The following KCNE3 variants were observed in gnomAD, a reference collection of about 807,000 sequenced individuals.
The protein encoded by KCNE3 is potassium voltage-gated channel subfamily E member 3.
Under a neutral mutation model 4.3 loss-of-function variants are expected in KCNE3, and 2 were observed. The ratio of observed to expected loss-of-function variants is 0.47; its 90% CI spans 0.19 to 1.48. The LOEUF is 1.48. Among genes scored for constraint, KCNE3 ranks in the 40% most tolerant of loss-of-function variants. KCNE3 has a pLI of 0.25. For missense variants in KCNE3, 128 were observed against 136.8 expected (o/e 0.94, Z 0.32); for synonymous variants, 47 against 52.0 (o/e 0.90, Z 0.41).
chr11:74,457,078 C>T lies in KCNE3; in HGVS notation c.*174G>A, dbSNP rs1485354621. ...TGGGAAAAAATCCTTATGCACAAGG[C>T]TTCGGTCTACCAGCCCCTCTTCTCC... On this transcript the variant is annotated 3_prime_UTR_variant, in exon 3 of 3. Coordinates refer to ENST00000310128, the MANE Select transcript of KCNE3 (RefSeq NM_005472.5). 2.8e-5 allele frequency: 19 copies of T among 667,624 alleles called. No homozygotes were observed. The highest frequency in any genetic ancestry group is 2.7e-6 in the Non-Finnish European group (1 of 377,158). The allele number at this position is 667,624 out of a possible 1,614,324, so 41.4% of individuals were successfully genotyped here.
chr11:74,465,790 A>G (rs1864046456), intron 1 of KCNE3, among the ~76,000 whole-genome samples: 1 of 152,210 alleles, frequency 6.6e-6, no homozygotes, highest in African/African-American at 2.4e-5. Context: ...TAGAGGAGAC[A>G]AGAGATGGGA....
At chr11:74,459,390 T>G (rs1863896250) in intron 2 of KCNE3, among the ~76,000 whole-genome samples, 1 of 150,930 alleles carries the variant, frequency 6.6e-6, no homozygotes, top group African/African-American at 2.4e-5. Context: ...GCCTCCCCAG[T>G]AGCTGGGACT....
At chr11:74,464,114 A>G (rs1864011989) in intron 1 of KCNE3, 1 of 152,308 alleles carries the variant, frequency 6.6e-6, no homozygotes, top group African/African-American at 2.4e-5. Flanking sequence ...TTTCCCATAC[A>G]TTCACAGGTT....
At chr11:74,465,195 A>T (rs2135020477) in intron 1 of KCNE3, among the ~76,000 whole-genome samples, 1 of 152,198 alleles carries the variant, frequency 6.6e-6, no homozygotes, top group South Asian at 2.1e-4. Context: ...CCTGTGCCTC[A>T]TACATTTCTT....
chr11:74,454,999 G>A lies in KCNE3; in HGVS notation c.*2253C>T, dbSNP rs966659193. The stretch of plus-strand genomic sequence containing the variant: ...GATGAGGAAGGGCTTGAGCAACAGG[G>A]CTCAGCACAGGTTTGCAGAGCATCA... On this transcript the variant is annotated 3_prime_UTR_variant, in exon 3 of 3. Coordinates refer to ENST00000310128, the MANE Select transcript of KCNE3 (RefSeq NM_005472.5). 1.3e-5 allele frequency: 2 copies of A among 152,316 alleles called. No homozygotes were observed. Among genetic ancestry groups the A allele is most frequent in the African/African-American group, 2.4e-5 (1 of 41,562 alleles). The allele number at this position is 152,316 out of a possible 1,614,324, so 9.4% of individuals were successfully genotyped here.
At chr11:74,462,252 CCTG>C (rs1230530235) in intron 1 of KCNE3, 149 bp from the exon 2 acceptor site, 1 of 152,774 alleles carries the variant, frequency 6.5e-6, no homozygotes, top group Non-Finnish European at 1.5e-5. Context: ...CCCTCCCCTT[CCTG>C]CAGCAGCTGG....
At position 74,455,380 on chromosome 11, in the gene KCNE3, T is replaced by C. The variant is rs916015069; in HGVS notation, c.*1872A>G. ...CTGAGATCTGGGATAGTTTCTGAAT[T>C]CAGAAGTGTTCACCAGCCACATTGC... On this transcript the variant is annotated 3_prime_UTR_variant, in exon 3 of 3. Transcript: ENST00000310128. 2.0e-5 allele frequency: 3 copies of C among 152,210 alleles called. No homozygotes were observed. Among genetic ancestry groups the C allele is most frequent in the African/African-American group, 7.2e-5 (3 of 41,450 alleles). The allele number at this position is 152,210 out of a possible 1,614,324, so 9.4% of individuals were successfully genotyped here. A position where few individuals can be genotyped will look rare whatever the true frequency, so the allele number is the denominator to read the frequency against.
chr11:74,460,238 G>A (rs1004858131), intron 2 of KCNE3, among the ~76,000 whole-genome samples: 12 of 152,188 alleles, frequency 7.9e-5, no homozygotes, highest in Admixed American at 1.3e-4. Context: ...GGAGATACAC[G>A]TTCTCATCTA....
chr11:74,460,751 T>C (rs183379640), intron 2 of KCNE3, among the ~76,000 whole-genome samples: 1 of 152,226 alleles, frequency 6.6e-6, no homozygotes, highest in African/African-American at 2.4e-5. Flanking sequence ...GTTGGAACTT[T>C]ATTCTGTAGC....
rs1370172401 is a variant in KCNE3 at position 74,457,242 on chromosome 11, C to T, written c.*10G>A. On this transcript the variant is annotated 3_prime_UTR_variant, in exon 3 of 3. Transcript: ENST00000310128. ...GTGTCTTGGTCTTCCACCGTCCCAG[C>T]CCTCTCGTGTTAGATCATAGACACA... 6.2e-7 allele frequency: 1 copy of T among 1,612,764 alleles called. No homozygotes were observed. The highest frequency in any genetic ancestry group is 1.3e-5 in the African/African-American group (1 of 74,918).
Position 74,457,138 on chromosome 11 carries a change from T to C in KCNE3, c.*114A>G. 2.9e-6 allele frequency: 3 copies of C among 1,050,918 alleles called. No homozygotes were observed. In the South Asian group the frequency reaches 4.1e-5, roughly 14 times the overall value. The allele number at this position is 1,050,918 out of a possible 1,614,324, so 65.1% of individuals were successfully genotyped here. On this transcript the variant is annotated 3_prime_UTR_variant, in exon 3 of 3. Transcript: ENST00000310128. Reference sequence around the variant, plus strand: ...GACGACCTCCCTTAACCGTGTTTCTTGTTGATCTTACAGATAGGGACACTG... The same window carrying C: ...GACGACCTCCCTTAACCGTGTTTCTCGTTGATCTTACAGATAGGGACACTG...
chr11:74,466,769 G>A (rs1864065787), intron 1 of KCNE3, among the ~76,000 whole-genome samples: 2 of 152,162 alleles, frequency 1.3e-5, no homozygotes, highest in African/African-American at 4.8e-5. Flanking sequence ...ACAAATGGTG[G>A]CCCAGGAAAA....
chr11:74,457,658 A>T, intron 2 of KCNE3, 55 bp from the exon 3 acceptor site: 1 of 1,121,986 alleles, frequency 8.9e-7, no homozygotes, highest in Non-Finnish European at 1.4e-6. Context: ...AGCTCAAATG[A>T]CCTCCTCCCT....
At chr11:74,466,399 C>G (rs1864057512) in intron 1 of KCNE3, among the ~76,000 whole-genome samples, 1 of 152,218 alleles carries the variant, frequency 6.6e-6, no homozygotes, top group East Asian at 1.9e-4. Context: ...AGGCCCCCAG[C>G]ATGGGTCTTC....
chr11:74,461,571 C>G (rs1214093449), intron 2 of KCNE3, among the ~76,000 whole-genome samples: 1 of 151,202 alleles, frequency 6.6e-6, no homozygotes, highest in African/African-American at 2.4e-5. Context: ...TGCAGTGAGC[C>G]GAGATCACAC....
Position 74,455,038 on chromosome 11 carries a change from T to C in KCNE3, c.*2214A>G, listed in dbSNP as rs1863778481. On this transcript the variant is annotated 3_prime_UTR_variant, in exon 3 of 3. Transcript: ENST00000310128. ...TGCAGAGCATCAACATAACTGCATATGGCAGCAAATGTGTTCCATGATCCT... is the reference window on the plus strand; with the variant it reads ...TGCAGAGCATCAACATAACTGCATACGGCAGCAAATGTGTTCCATGATCCT... The C allele has an allele frequency of 6.6e-6, 1 of 152,326 alleles. No individual in the cohort carries two copies. The highest frequency in any genetic ancestry group is 1.9e-4 in the East Asian group (1 of 5,182). 9.4% of individuals were successfully genotyped at this position (152,326 alleles called of 1,614,324 possible).
At chr11:74,466,155 G>A (rs774690102) in intron 1 of KCNE3, among the ~76,000 whole-genome samples, 4 of 152,180 alleles carry the variant, frequency 2.6e-5, no homozygotes, top group Admixed American at 1.3e-4. Flanking sequence ...AGGCCAACAC[G>A]TCTAGCCGTG....
intron 2 of KCNE3, among the ~76,000 whole-genome samples, chr11:74,461,295 TGTG>T (rs1863947898): frequency 4.1e-4 from 9 of 22,096 alleles, no homozygotes; most frequent in Non-Finnish European, 1.1e-3. Flanking sequence ...TTATGTTTTG[TGTG>T]TGTGTGTGTG....
At chr11:74,460,480 A>G (rs957994883) in intron 2 of KCNE3, among the ~76,000 whole-genome samples, 16 of 152,264 alleles carry the variant, frequency 1.1e-4, no homozygotes, top group Non-Finnish European at 1.5e-5. Context: ...GCTGAAAGGA[A>G]TAAGTGATGG....
Sources: gnomAD v4.1 joint callset for allele counts (sites outside exome capture counted in the v4.1 genomes callset) on GRCh38, gnomAD v4.1.1 for gene constraint, MANE v1.5 for transcripts, NCBI Gene and HGNC (gene_info 2026-07-23, HGNC 2026-07-21) for gene names.